Variants in TEK observed in about 807,000 individuals in gnomAD.
TEK encodes TEK receptor tyrosine kinase, also known as angiopoietin-1 receptor.
In TEK, 43 loss-of-function variants were observed where a neutral mutation model predicts 131.8. The ratio of observed to expected loss-of-function variants is 0.33; its 90% CI spans 0.26 to 0.42. TEK has a LOEUF of 0.42. Among genes scored for constraint, TEK ranks in the 10% least tolerant of loss-of-function variants. The probability of loss-of-function intolerance (pLI) is 1.00; values close to 1 mark genes in which losing one functional copy is unlikely to be tolerated. For synonymous variants in TEK, 580 were observed against 491.6 expected, an observed-to-expected ratio of 1.18 and a Z score of -2.38; for missense variants, 1,162 against 1,384.4, an observed-to-expected ratio of 0.84 and a Z score of 2.55.
chr9:27,144,719 T>C (rs1822852814), intron 1 of TEK, among the ~76,000 whole-genome samples: 1 of 152,086 alleles, frequency 6.6e-6, no homozygotes, highest in Admixed American at 6.5e-5. Flanking sequence ...TCCAAAATTG[T>C]AGTAAAGCAA....
rs562378189 is a variant in TEK, at chr9:27,221,212, C to A, written c.3200+1067C>A. Among the ~76,000 whole-genome samples the A allele has an allele frequency of 9.7e-4, 148 of 152,314 alleles. 3 individuals are homozygous for A. Among genetic ancestry groups the A allele is most frequent in the Non-Finnish European group, 6.6e-4 (45 of 68,028 alleles). On this transcript the variant is annotated intron_variant, in intron 21 of 22. Coordinates refer to ENST00000380036, the MANE Select transcript of TEK (RefSeq NM_000459.5). The stretch of plus-strand genomic sequence containing the variant: ...CCTCAAAGCCACTATAGCCAGACTG[C>A]CTCTCTAGATTCTTTCTATCTGGGC...
chr9:27,123,322 C>T (rs1231520838), intron 1 of TEK, among the ~76,000 whole-genome samples: 1 of 152,104 alleles, frequency 6.6e-6, no homozygotes, highest in Non-Finnish European at 1.5e-5. Flanking sequence ...GTCCTTCTCT[C>T]TGCCGTCATA....
At chr9:27,139,161 C>T (rs532950831) in intron 1 of TEK, among the ~76,000 whole-genome samples, 4 of 138,222 alleles carry the variant, frequency 2.9e-5, no homozygotes, top group East Asian at 2.1e-4. Flanking sequence ...TGCAGTGAGC[C>T]GAGATCACGC....
chr9:27,184,990 C>T (rs1036236446), intron 8 of TEK, among the ~76,000 whole-genome samples: 3 of 151,844 alleles, frequency 2.0e-5, no homozygotes, highest in East Asian at 1.9e-4. Context: ...GAACTATGAT[C>T]ACTCAACTGC....
At chr9:27,185,448 C>G (rs756287085) in intron 8 of TEK, 37 bp from the exon 9 acceptor site, 1 of 1,613,060 alleles carries the variant, frequency 6.2e-7, no homozygotes, top group Non-Finnish European at 8.5e-7. Flanking sequence ...TTATGCCTCC[C>G]TAGAAGTTTT....
chr9:27,191,798 A>G (rs2208636), intron 10 of TEK: 15,944 of 375,200 alleles, frequency 0.042, 851 homozygotes, highest in Admixed American at 0.19. Flanking sequence ...TATGGTGGTA[A>G]TAATCCATCA....
rs189110754 is a variant in TEK at position 27,161,130 on chromosome 9, G to A, written c.364+2988G>A. Among the ~76,000 whole-genome samples, 5 of 152,280 alleles carry A rather than the reference G, an allele frequency of 3.3e-5. No homozygotes were observed. The East Asian group carries it at 7.7e-4, about 23-fold the overall frequency. ...CCAGAACATTGGGAGTTAAAAACCCGCTGTAATGATCCCCCCAAACTGAGA... is the reference window on the plus strand; with the variant it reads ...CCAGAACATTGGGAGTTAAAAACCCACTGTAATGATCCCCCCAAACTGAGA... On this transcript the variant is annotated intron_variant, in intron 2 of 22. Coordinates refer to ENST00000380036, the MANE Select transcript of TEK (RefSeq NM_000459.5).
Position 27,139,485 on chromosome 9 carries a change from C to T in TEK, c.53-18346C>T, listed in dbSNP as rs528449614. ...GATTACAGGTGTGCATCACCATGCC[C>T]AGCTAATTTTTGTATTTTTAGTTGA... On this transcript the variant is annotated intron_variant, in intron 1 of 22. Coordinates refer to ENST00000380036, the MANE Select transcript of TEK (RefSeq NM_000459.5). Among the ~76,000 whole-genome samples the T allele has an allele frequency of 3.4e-3, 518 of 150,858 alleles. 2 individuals are homozygous for T. Among genetic ancestry groups the T allele is most frequent in the African/African-American group, 0.012 (491 of 41,150 alleles).
At chr9:27,194,139 T>C (rs1192016626) in intron 11 of TEK, among the ~76,000 whole-genome samples, 1 of 152,176 alleles carries the variant, frequency 6.6e-6, no homozygotes, top group African/African-American at 2.4e-5. Context: ...CTCCAATTAT[T>C]ATTTCTACCT....
intron 1 of TEK, among the ~76,000 whole-genome samples, chr9:27,115,574 T>TA (rs1269562921): frequency 1.2e-3 from 184 of 152,308 alleles, no homozygotes; most frequent in Non-Finnish European, 4.4e-4. Context: ...ACGTGGAATG[T>TA]CAACTAAAGA....
intron 1 of TEK, among the ~76,000 whole-genome samples, chr9:27,153,876 G>A (rs507441): frequency 0.27 from 41,290 of 152,012 alleles, 5,960 homozygotes; most frequent in South Asian, 0.52. Context: ...AGTTGTACTC[G>A]TTGTCGTGGA....
intron 15 of TEK, among the ~76,000 whole-genome samples, chr9:27,208,796 G>A (rs1423079723): frequency 6.6e-6 from 1 of 152,220 alleles, no homozygotes; most frequent in South Asian, 2.1e-4. Context: ...CTTTAGAGTA[G>A]TGGTTCTCAT....
intron 1 of TEK, among the ~76,000 whole-genome samples, chr9:27,111,948 G>C (rs1821364194): frequency 1.4e-5 from 2 of 143,380 alleles, no homozygotes; most frequent in African/African-American, 2.6e-5. Flanking sequence ...ACCCAGACTA[G>C]AATGTAGTAG....
chr9:27,217,822 AGG>A lies in TEK; in HGVS notation c.3062+65_3062+66del, dbSNP rs1825873359. The A allele has an allele frequency of 2.8e-6, 4 of 1,430,408 alleles. No individual in the cohort carries two copies. The African/African-American group carries it at 4.2e-5, about 15-fold the overall frequency. 88.6% of individuals were successfully genotyped at this position (1,430,408 alleles called of 1,614,324 possible). A position where few individuals can be genotyped will look rare whatever the true frequency, so the allele number is the denominator to read the frequency against. On this transcript the variant is annotated intron_variant, in intron 19 of 22. Transcript: ENST00000380036. ...TCCCAGAAACATATACATTTGACAG[AGG>A]TTTTAAAAAGATACAGGAATGTCCT...
chr9:27,213,382 A>C, intron 17 of TEK, 102 bp from the exon 18 acceptor site: 4 of 861,160 alleles, frequency 4.6e-6, no homozygotes, highest in Non-Finnish European at 7.6e-6. Context: ...GTGACTGTTT[A>C]AAATCCTTTT....
chr9:27,156,161 T>G (rs1823324023), intron 1 of TEK, among the ~76,000 whole-genome samples: 1 of 152,112 alleles, frequency 6.6e-6, no homozygotes. Flanking sequence ...ATGGATGGAC[T>G]TCAGTCAGGC....
intron 1 of TEK, among the ~76,000 whole-genome samples, chr9:27,147,013 G>A (rs1053615276): frequency 8.5e-5 from 13 of 152,296 alleles, no homozygotes; most frequent in Admixed American, 2.6e-4. Context: ...ACAGGCGTGA[G>A]ACACTGCGCC....
At chr9:27,147,177 T>C (rs554245936) in intron 1 of TEK, among the ~76,000 whole-genome samples, 19 of 152,334 alleles carry the variant, frequency 1.2e-4, no homozygotes, top group African/African-American at 3.8e-4. Flanking sequence ...TTTAAATTAC[T>C]TCCATCAATG....
chr9:27,120,600 A>T (rs1821749181), intron 1 of TEK, among the ~76,000 whole-genome samples: 1 of 152,256 alleles, frequency 6.6e-6, no homozygotes, highest in African/African-American at 2.4e-5. Flanking sequence ...CTTTCTGAGG[A>T]GCCTTATGAA....
Sources: gnomAD v4.1 joint callset for allele counts (sites outside exome capture counted in the v4.1 genomes callset) on GRCh38, gnomAD v4.1.1 for gene constraint, MANE v1.5 for transcripts, NCBI Gene and HGNC (gene_info 2026-07-23, HGNC 2026-07-21) for gene names.